Variants in AHCTF1 observed in about 807,000 individuals in gnomAD.
AHCTF1 encodes protein ELYS.
In AHCTF1, 24 loss-of-function variants were observed where a neutral mutation model predicts 248.4. That is an observed-to-expected ratio of 0.10 (90% CI 0.07 to 0.14). The LOEUF is 0.14. Ranked by LOEUF, AHCTF1 falls within the 10% of genes least tolerant of loss-of-function variation. The pLI is 1.00. For synonymous variants in AHCTF1, 786 were observed against 929.8 expected (o/e 0.85, Z 2.81); for missense variants, 2,206 against 2,636.2 (o/e 0.84, Z 3.57).
chr1:246,878,604 C>G (rs76581262), intron 21 of AHCTF1, among the ~76,000 whole-genome samples: 3,998 of 152,036 alleles, frequency 0.026, 205 homozygotes, highest in African/African-American at 0.091. Context: ...AAGATATACA[C>G]TAAGAATGGT....
intron 26 of AHCTF1, among the ~76,000 whole-genome samples, chr1:246,866,587 A>G (rs551727525): frequency 2.0e-5 from 3 of 152,276 alleles, no homozygotes; most frequent in African/African-American, 7.2e-5. Context: ...AGAGTCTTGT[A>G]ATGATTATTT....
chr1:246,860,217 G>A (rs1277433397), intron 29 of AHCTF1, among the ~76,000 whole-genome samples: 3 of 152,016 alleles, frequency 2.0e-5, no homozygotes, highest in African/African-American at 4.8e-5. Context: ...GCAGTGAGCC[G>A]AGATCACGCC....
intron 1 of AHCTF1, chr1:246,931,245 G>C (rs1558292486): frequency 4.5e-6 from 7 of 1,549,886 alleles, no homozygotes; most frequent in Non-Finnish European, 6.1e-6. Flanking sequence ...AGAACAGTGG[G>C]AAAGGGTCGC....
At chr1:246,896,777 G>A (rs1381206949) in intron 12 of AHCTF1, among the ~76,000 whole-genome samples, 2 of 152,034 alleles carry the variant, frequency 1.3e-5, no homozygotes, top group Non-Finnish European at 2.9e-5. Context: ...TAATATCACA[G>A]GAACCTATTA....
chr1:246,862,436 C>CCT (rs1661634490), intron 27 of AHCTF1, among the ~76,000 whole-genome samples: 1 of 151,166 alleles, frequency 6.6e-6, no homozygotes, highest in African/African-American at 2.4e-5. Flanking sequence ...GCCGAGATTG[C>CCT]GCCACTGCAC....
intron 2 of AHCTF1, among the ~76,000 whole-genome samples, chr1:246,917,618 T>C (rs1666237091): frequency 1.1e-4 from 17 of 152,222 alleles, no homozygotes; most frequent in Admixed American, 1.0e-3. Flanking sequence ...CTGTTGTTCC[T>C]TTTAACATTC....
intron 29 of AHCTF1, among the ~76,000 whole-genome samples, chr1:246,860,577 G>C (rs1174432892): frequency 2.6e-5 from 4 of 152,140 alleles, no homozygotes; most frequent in Non-Finnish European, 4.4e-5. Flanking sequence ...CTGAGATAGG[G>C]TCTTGCTCTG....
intron 1 of AHCTF1, chr1:246,931,134 C>T (rs1029678799): frequency 7.7e-6 from 12 of 1,550,034 alleles, no homozygotes; most frequent in Non-Finnish European, 1.0e-5. Context: ...CTCACTGTGG[C>T]CAGGCCCAAG....
Position 246,867,679 on chromosome 1 carries a change from C to T in AHCTF1, c.3221G>A (p.Ser1074Asn), listed in dbSNP as rs138554302. 8 of 1,611,752 alleles carry T rather than the reference C, an allele frequency of 5.0e-6. No individual in the cohort carries two copies. The highest frequency in any genetic ancestry group is 1.1e-5 in the South Asian group (1 of 90,858). The change falls in exon 25 of 36, where the codon AGC (serine) becomes AAC (asparagine). Residue 1074 changes from serine to asparagine, a missense_variant. Physicochemically the swap from Ser to Asn is conservative, Grantham distance 46. Around this residue, in one of 6 missense-constraint regions of AHCTF1, gnomAD observed 955 missense variants for 1,055.6 expected, o/e 0.90. Coordinates refer to ENST00000648844, the MANE Select transcript of AHCTF1 (RefSeq NM_001323342.2). ...AACATACCTATTGAAAGGTGTGGTG[C>T]TATTTATAGGTTCTTTGCTTGCCCA... ...EVWASKEPIN[S>N]TTPFNSSKIE...
Position 246,860,998 on chromosome 1 carries a change from TGGA to T in AHCTF1, c.4030_4032del (p.Ser1344del), listed in dbSNP as rs1252208164. On this transcript the variant is annotated inframe_deletion, in exon 29 of 36. Coordinates refer to ENST00000648844, the MANE Select transcript of AHCTF1 (RefSeq NM_001323342.2). ...TCAGTTACATTAGTAGTTAGTGCAG[TGGA>T]AGAGCTTTTGGGCTTAGAGGCCGTG... 2.5e-6 allele frequency: 4 copies of T among 1,613,874 alleles called. No individual in the cohort carries two copies. In the African/African-American group the frequency reaches 5.3e-5, roughly 22 times the overall value.
At chr1:246,877,945 G>C (rs555451494) in intron 21 of AHCTF1, among the ~76,000 whole-genome samples, 1 of 151,602 alleles carries the variant, frequency 6.6e-6, no homozygotes, top group Non-Finnish European at 1.5e-5. Context: ...TTTAATGCCA[G>C]TGTTCAACTC....
intron 27 of AHCTF1, among the ~76,000 whole-genome samples, chr1:246,863,137 GAATATTT>G (rs567474886): frequency 4.0e-4 from 61 of 152,228 alleles, no homozygotes; most frequent in African/African-American, 1.5e-3. Flanking sequence ...ATACTATACT[GAATATTT>G]TAAATTATTG....
chr1:246,866,371 C>T (rs563494825), intron 26 of AHCTF1, among the ~76,000 whole-genome samples: 13 of 152,166 alleles, frequency 8.5e-5, no homozygotes, highest in Admixed American at 3.3e-4. Flanking sequence ...TCGGTAATAA[C>T]GACTTTCATT....
Position 246,845,386 on chromosome 1 carries a change from TGATATCA to T in AHCTF1, c.6392-1465_6392-1459del, listed in dbSNP as rs1020503947. Among the ~76,000 whole-genome samples, 13 of 152,256 alleles carry T rather than the reference TGATATCA, an allele frequency of 8.5e-5. No homozygotes were observed. In the East Asian group the frequency reaches 1.7e-3, roughly 20 times the overall value. On this transcript the variant is annotated intron_variant, in intron 33 of 35. Coordinates refer to ENST00000648844, the MANE Select transcript of AHCTF1 (RefSeq NM_001323342.2). ...TTCTTAAAAAAAAGAAAAATAGAGTTGATATCAGATATCAGAAATATATAATCTCTGC... is the reference window on the plus strand; with the variant it reads ...TTCTTAAAAAAAAGAAAAATAGAGTTGATATCAGAAATATATAATCTCTGC...
intron 26 of AHCTF1, among the ~76,000 whole-genome samples, chr1:246,865,587 T>C (rs543581333): frequency 6.6e-6 from 1 of 152,354 alleles, no homozygotes; most frequent in African/African-American, 2.4e-5. Flanking sequence ...CTCACTTTTA[T>C]ACTGAGCTAT....
rs955621464 is a variant in AHCTF1 at position 246,931,921 on chromosome 1, C to A, written c.-351G>T. Reference sequence around the variant, plus strand: ...CGCCTCGGACAGCGCCGGCCCCGCTCTGCGCATTACCCTGCGCCGACAAAA... The same window carrying A: ...CGCCTCGGACAGCGCCGGCCCCGCTATGCGCATTACCCTGCGCCGACAAAA... On this transcript the variant is annotated 5_prime_UTR_variant, in exon 1 of 36. Coordinates refer to ENST00000648844, the MANE Select transcript of AHCTF1 (RefSeq NM_001323342.2). The A allele has an allele frequency of 2.0e-5, 3 of 152,530 alleles. No individual in the cohort carries two copies. Among genetic ancestry groups the A allele is most frequent in the African/African-American group, 7.2e-5 (3 of 41,474 alleles). 9.4% of individuals were successfully genotyped at this position (152,530 alleles called of 1,614,324 possible). A position where few individuals can be genotyped will look rare whatever the true frequency, so the allele number is the denominator to read the frequency against.
In AHCTF1 at chr1:246,887,301, G is replaced by A. The variant is rs780404998; in HGVS notation, c.2382C>T (p.Pro794=). The A allele has an allele frequency of 1.9e-6, 3 of 1,613,098 alleles. No individual in the cohort carries two copies. Among genetic ancestry groups the A allele is most frequent in the Admixed American group, 1.7e-5 (1 of 59,930 alleles). ...CAAATACAGTTGGGAAAGATTCAAT[G>A]GGAGTGTCTGTTTTGTTGGGAAAGG... ...MYSFPNKTDT[P]IESFPTVFAI... is the part of the protein sequence containing the mutation. The change falls in exon 20 of 36, where the codon CCC becomes CCT. Residue 794 remains proline (P), a synonymous_variant. Transcript: ENST00000648844.
chr1:246,901,320 G>C (rs1055571676), intron 8 of AHCTF1, among the ~76,000 whole-genome samples: 2 of 151,848 alleles, frequency 1.3e-5, no homozygotes, highest in African/African-American at 4.8e-5. Context: ...CAGCCTGGGC[G>C]ACAGTGAGAC....
intron 25 of AHCTF1, 57 bp downstream of exon 25, chr1:246,867,604 T>C: frequency 6.3e-7 from 1 of 1,578,138 alleles, no homozygotes. Context: ...TGAACGCTGT[T>C]GATGTCCAGT....
Sources: allele counts gnomAD v4.1 joint callset (sites outside exome capture counted in the v4.1 genomes callset), GRCh38; gene constraint gnomAD v4.1.1; regional missense constraint gnomAD v4.1.1; transcripts MANE v1.5; gene names NCBI Gene and HGNC (gene_info 2026-07-23, HGNC 2026-07-21).